CDKAL1: variants seen among roughly 807,000 people sequenced by gnomAD.
The protein encoded by CDKAL1 is threonylcarbamoyladenosine tRNA methylthiotransferase.
CDKAL1 carries 32 observed loss-of-function variants against 68.2 expected under a neutral mutation model. That is an observed-to-expected ratio of 0.47 (90% confidence interval 0.35 to 0.63). The LOEUF (loss-of-function observed/expected upper bound fraction) is 0.63. Ranked by LOEUF, CDKAL1 falls within the 30% of genes least tolerant of loss-of-function variation. CDKAL1 has a pLI of 0.00. For synonymous variants in CDKAL1, 234 were observed against 244.3 expected (o/e 0.96, Z 0.39); for missense variants, 606 against 696.7 (o/e 0.87, Z 1.47).
chr6:20,863,651 G>A (rs1035272006), intron 9 of CDKAL1, among the ~76,000 whole-genome samples: 1 of 152,172 alleles, frequency 6.6e-6, no homozygotes. Flanking sequence ...AGAAAAATGG[G>A]TTGTTCACAG....
intron 5 of CDKAL1, among the ~76,000 whole-genome samples, chr6:20,727,656 A>T (rs1484308116): frequency 6.6e-6 from 1 of 152,184 alleles, no homozygotes; most frequent in African/African-American, 2.4e-5. Flanking sequence ...TACAAATGGA[A>T]CTTTATGTGC....
At chr6:20,551,222 A>G (rs898523349) in intron 4 of CDKAL1, among the ~76,000 whole-genome samples, 2 of 152,140 alleles carry the variant, frequency 1.3e-5, no homozygotes, top group African/African-American at 4.8e-5. Context: ...GTCACTTCCA[A>G]ACACTGCTCC....
chr6:20,739,432 T>C (rs895364848), intron 5 of CDKAL1, 87 bp from the exon 6 acceptor site: 19 of 726,138 alleles, frequency 2.6e-5, no homozygotes, highest in Non-Finnish European at 4.4e-5. Context: ...CTGTTATTAT[T>C]TGGAGAACTA....
At chr6:21,038,102 A>G (rs543535802) in intron 11 of CDKAL1, among the ~76,000 whole-genome samples, 4 of 152,370 alleles carry the variant, frequency 2.6e-5, no homozygotes, top group African/African-American at 9.6e-5. Context: ...ACAAGCAGTT[A>G]TAATGGAACA....
chr6:20,546,275 A>C, intron 2 of CDKAL1, 71 bp from the exon 3 acceptor site: 2 of 1,175,148 alleles, frequency 1.7e-6, no homozygotes, highest in Non-Finnish European at 2.4e-6. Context: ...TTTGGTGAGA[A>C]TATTTCATAA....
intron 8 of CDKAL1, among the ~76,000 whole-genome samples, chr6:20,841,882 A>C (rs1419262604): frequency 6.6e-6 from 1 of 152,244 alleles, no homozygotes; most frequent in African/African-American, 2.4e-5. Context: ...TGCAAAGATT[A>C]GTAGGTATTG....
intron 9 of CDKAL1, among the ~76,000 whole-genome samples, chr6:20,909,940 A>G (rs1035785295): frequency 4.6e-5 from 7 of 152,158 alleles, no homozygotes; most frequent in Admixed American, 3.9e-4. Context: ...CAATGATTAA[A>G]TCCACTTTCA....
At chr6:21,052,702 C>A (rs1187080040) in intron 11 of CDKAL1, among the ~76,000 whole-genome samples, 3 of 151,962 alleles carry the variant, frequency 2.0e-5, no homozygotes, top group Non-Finnish European at 4.4e-5. Flanking sequence ...TTTGACTACA[C>A]CTGTCAAAGT....
intron 13 of CDKAL1, among the ~76,000 whole-genome samples, chr6:21,169,148 T>TA (rs1385929070): frequency 1.3e-5 from 2 of 151,854 alleles, no homozygotes; most frequent in Non-Finnish European, 2.9e-5. Flanking sequence ...AGTTGGGCAT[T>TA]AAAAAAAATA....
At chr6:20,793,374 T>A (rs1171334458) in intron 8 of CDKAL1, among the ~76,000 whole-genome samples, 1 of 152,132 alleles carries the variant, frequency 6.6e-6, no homozygotes, top group Non-Finnish European at 1.5e-5. Flanking sequence ...GTTGACACAT[T>A]GCACGCATCT....
At chr6:20,723,142 A>C (rs984777564) in intron 5 of CDKAL1, among the ~76,000 whole-genome samples, 3 of 152,154 alleles carry the variant, frequency 2.0e-5, no homozygotes, top group Non-Finnish European at 4.4e-5. Context: ...CAAGGGGCCA[A>C]CTGAGCTGTT....
At chr6:21,101,603 C>T (rs779814568) in intron 12 of CDKAL1, among the ~76,000 whole-genome samples, 19 of 152,150 alleles carry the variant, frequency 1.2e-4, no homozygotes, top group Admixed American at 2.6e-4. Flanking sequence ...TTAAATTACA[C>T]CAATATGCTC....
chr6:21,110,987 T>A lies in CDKAL1; in HGVS notation c.1299+2524T>A, dbSNP rs181834697. Among the ~76,000 whole-genome samples, 566 of 152,172 alleles carry A rather than the reference T, an allele frequency of 3.7e-3. 3 individuals are homozygous for A. The highest frequency in any genetic ancestry group is 0.011 in the African/African-American group (438 of 41,482). ...CCGTCTCTAAAAGAACATTTTTTTT[T>A]AAAATAATTTCAAAGAGCAGAGTGG... On this transcript the variant is annotated intron_variant, in intron 13 of 15. Coordinates refer to ENST00000274695, the MANE Select transcript of CDKAL1 (RefSeq NM_017774.3).
At chr6:21,070,171 T>C (rs1412241927) in intron 12 of CDKAL1, among the ~76,000 whole-genome samples, 5 of 152,138 alleles carry the variant, frequency 3.3e-5, no homozygotes, top group African/African-American at 7.2e-5. Context: ...TACTTGCTGA[T>C]CGTTTGGTTC....
At chr6:20,663,217 G>A (rs1769369399) in intron 5 of CDKAL1, among the ~76,000 whole-genome samples, 1 of 148,008 alleles carries the variant, frequency 6.8e-6, no homozygotes, top group East Asian at 2.0e-4. Context: ...TGTAAGAGAG[G>A]CTGGGAAATG....
rs762990973 is a variant in CDKAL1 at position 20,559,783 on chromosome 6, T to C, written c.286+11078T>C. 9 of 152,326 alleles carry C rather than the reference T, an allele frequency of 5.9e-5. No homozygotes were observed. The South Asian group carries it at 6.2e-4, about 11-fold the overall frequency. The allele number at this position is 152,326 out of a possible 1,614,324, so 9.4% of individuals were successfully genotyped here. A position where few individuals can be genotyped will look rare whatever the true frequency, so the allele number is the denominator to read the frequency against. ...AATTTTCATGAGTCAGATAAACATA[T>C]ACCCAGATTTTCAGAAACTTGACAT... On this transcript the variant is annotated intron_variant, in intron 4 of 15. Transcript: ENST00000274695.
chr6:21,113,887 C>T (rs868544170), intron 13 of CDKAL1, among the ~76,000 whole-genome samples: 19 of 152,046 alleles, frequency 1.2e-4, no homozygotes, highest in Admixed American at 1.0e-3. Flanking sequence ...CTGCAGTGAG[C>T]CATAATTGCA....
intron 2 of CDKAL1, among the ~76,000 whole-genome samples, chr6:20,537,121 G>C (rs1302673581): frequency 6.6e-6 from 1 of 152,056 alleles, no homozygotes; most frequent in Non-Finnish European, 1.5e-5. Flanking sequence ...CTCACTGCAA[G>C]CTTAGTTGGG....
At chr6:20,986,857 T>C (rs1344933865) in intron 10 of CDKAL1, among the ~76,000 whole-genome samples, 3 of 152,176 alleles carry the variant, frequency 2.0e-5, no homozygotes, top group Non-Finnish European at 4.4e-5. Context: ...CAAAATCAGA[T>C]CAAGTTAGAA....
Sources: allele counts gnomAD v4.1 joint callset (sites outside exome capture counted in the v4.1 genomes callset), GRCh38; gene constraint gnomAD v4.1.1; transcripts MANE v1.5; gene names NCBI Gene and HGNC (gene_info 2026-07-23, HGNC 2026-07-21).